Variants in BMPR2 observed in about 807,000 individuals in gnomAD.
The protein encoded by BMPR2 is bone morphogenetic protein receptor type-2.
A neutral mutation model predicts 100.8 loss-of-function variants in BMPR2; 29 were observed. The observed-to-expected ratio is 0.29, with a 90% CI of 0.21 to 0.39. The LOEUF (loss-of-function observed/expected upper bound fraction) is 0.39, where lower values mean the gene tolerates loss of function less well. Among genes scored for constraint, BMPR2 ranks in the 10% least tolerant of loss-of-function variants. The pLI, the probability that BMPR2 is intolerant of heterozygous loss-of-function variation, is 1.00. For synonymous variants in BMPR2, 382 were observed against 442.3 expected (o/e 0.86, Z 1.71); for missense variants, 1,011 against 1,274.5 (o/e 0.79, Z 3.15).
chr2:202,400,399 C>T (rs1690748226), intron 1 of BMPR2, among the ~76,000 whole-genome samples: 1 of 151,508 alleles, frequency 6.6e-6, no homozygotes, highest in Non-Finnish European at 1.5e-5. Context: ...GATCTTCCTG[C>T]CTTGGCCTCC....
intron 11 of BMPR2, among the ~76,000 whole-genome samples, chr2:202,553,171 T>G (rs1688511500): frequency 6.6e-6 from 1 of 152,140 alleles, no homozygotes; most frequent in African/African-American, 2.4e-5. Flanking sequence ...AAAGGTAAAA[T>G]GTTTTTATAA....
At chr2:202,418,110 C>G (rs1691176155) in intron 1 of BMPR2, among the ~76,000 whole-genome samples, 1 of 152,090 alleles carries the variant, frequency 6.6e-6, no homozygotes, top group African/African-American at 2.4e-5. Flanking sequence ...CCAAAGAATT[C>G]ATGTGATTTG....
rs1692289934 is a variant in BMPR2 at position 202,464,913 on chromosome 2, T to C, written c.181T>C (p.Ser61Pro). The C allele has an allele frequency of 1.2e-6, 2 of 1,613,982 alleles. No individual in the cohort carries two copies. The change falls in exon 2 of 13, where the codon TCG becomes CCG. Residue 61 changes from serine to proline, a missense_variant. This residue lies in a region of BMPR2 where 355 missense variants were observed against 455.3 expected (regional missense o/e 0.78). Coordinates refer to ENST00000374580, the MANE Select transcript of BMPR2 (RefSeq NM_001204.7). The stretch of plus-strand genomic sequence containing the variant: ...TCATGAAAATGGGACAATATTATGC[T>C]CGAAAGGTAGCACCTGCTATGGCCT... ...ISHENGTILC[S>P]KGSTCYGLWE...
intron 7 of BMPR2, among the ~76,000 whole-genome samples, chr2:202,528,500 T>TA (rs941931267): frequency 1.6e-4 from 24 of 152,274 alleles, no homozygotes; most frequent in African/African-American, 5.3e-4. Context: ...GACCCTGTTT[T>TA]AAAAAAATGA....
intron 1 of BMPR2, among the ~76,000 whole-genome samples, chr2:202,433,220 C>A (rs1691541225): frequency 6.7e-6 from 1 of 150,340 alleles, no homozygotes; most frequent in African/African-American, 2.5e-5. Context: ...AGTCAGGATT[C>A]TCCAGATAAA....
At chr2:202,534,210 CGT>C (rs371342632) in intron 9 of BMPR2, among the ~76,000 whole-genome samples, 19,202 of 144,684 alleles carry the variant, frequency 0.13, 1,465 homozygotes, top group African/African-American at 0.19. Context: ...ATATATGTAT[CGT>C]GTGTGTGTGT....
In BMPR2 at chr2:202,560,352, G is replaced by T; in HGVS notation, c.*406G>T. ...GACAGGTTTGACTGCAGTGGTGTCT[G>T]GTATCCATGTTTTATTTCTGGGCAC... On this transcript the variant is annotated 3_prime_UTR_variant, in exon 13 of 13. Coordinates refer to ENST00000374580, the MANE Select transcript of BMPR2 (RefSeq NM_001204.7). 4.9e-6 allele frequency: 1 copy of T among 202,086 alleles called. No individual in the cohort carries two copies. The highest frequency in any genetic ancestry group is 1.0e-5 in the Non-Finnish European group (1 of 97,570). The allele number at this position is 202,086 out of a possible 1,614,324, so 12.5% of individuals were successfully genotyped here.
intron 1 of BMPR2, among the ~76,000 whole-genome samples, chr2:202,382,964 G>A (rs1339904259): frequency 6.6e-6 from 1 of 152,144 alleles, no homozygotes. Context: ...GTACCTTTGA[G>A]AACTACTGGA....
chr2:202,475,380 C>T (rs1383768517), intron 3 of BMPR2, among the ~76,000 whole-genome samples: 1 of 151,342 alleles, frequency 6.6e-6, no homozygotes, highest in Non-Finnish European at 1.5e-5. Context: ...CTCACGTACC[C>T]CATAAATATA....
chr2:202,440,816 G>T lies in BMPR2; in HGVS notation c.77-23993G>T, dbSNP rs1424804796. Among the ~76,000 whole-genome samples, 3 of 150,550 alleles carry T rather than the reference G, an allele frequency of 2.0e-5. No homozygotes were observed. In the South Asian group the frequency reaches 6.2e-4, roughly 31 times the overall value. On this transcript the variant is annotated intron_variant, in intron 1 of 12. Coordinates refer to ENST00000374580, the MANE Select transcript of BMPR2 (RefSeq NM_001204.7). Reference sequence around the variant, plus strand: ...CCGGGGAGACCGGGGAGACTGGGGAGAGGGAGAGGGAGAGCAGTTGTGGGT... The same window carrying T: ...CCGGGGAGACCGGGGAGACTGGGGATAGGGAGAGGGAGAGCAGTTGTGGGT...
chr2:202,415,190 T>C (rs1691099807), intron 1 of BMPR2, among the ~76,000 whole-genome samples: 1 of 151,950 alleles, frequency 6.6e-6, no homozygotes, highest in African/African-American at 2.4e-5. Flanking sequence ...AGAGAAATTG[T>C]TGGGCTCAGT....
Position 202,532,790 on chromosome 2 carries a change from C to T in BMPR2, c.1276+58C>T. On this transcript the variant is annotated intron_variant, in intron 9 of 12. Coordinates refer to ENST00000374580, the MANE Select transcript of BMPR2 (RefSeq NM_001204.7). This position sits in a 1 kb window ranked among gnomAD's most constrained non-coding sequence, Gnocchi z 4.1. Reference sequence around the variant, plus strand: ...GAAGTGAAGCAGTTATATCTTCTTTCTCTACCTATAGTACCTAACTCAACT... The same window carrying T: ...GAAGTGAAGCAGTTATATCTTCTTTTTCTACCTATAGTACCTAACTCAACT... 2.6e-6 allele frequency: 4 copies of T among 1,564,644 alleles called. No individual in the cohort carries two copies. Among genetic ancestry groups the T allele is most frequent in the Non-Finnish European group, 3.5e-6 (4 of 1,147,060 alleles).
intron 1 of BMPR2, among the ~76,000 whole-genome samples, chr2:202,407,133 G>A (rs1484640945): frequency 1.3e-5 from 2 of 151,686 alleles, no homozygotes; most frequent in Non-Finnish European, 2.9e-5. Context: ...AGTAGAGACA[G>A]GGTTTCACCA....
At chr2:202,384,569 T>TTTCTTTTTCTTTCTTTTTCTTTC (rs138215628) in intron 1 of BMPR2, among the ~76,000 whole-genome samples, 2 of 93,594 alleles carry the variant, frequency 2.1e-5, no homozygotes, top group Admixed American at 2.3e-4. Context: ...TCTTTCTTTC[T>TTTCTTTTTCTTTCTTTTTCTTTC]TTTTCTTTCT....
At chr2:202,388,718 G>T (rs907334727) in intron 1 of BMPR2, among the ~76,000 whole-genome samples, 10 of 149,264 alleles carry the variant, frequency 6.7e-5, no homozygotes, top group African/African-American at 2.5e-4. Flanking sequence ...AACCTGAGAG[G>T]TGGAGGTTGC....
Position 202,532,565 on chromosome 2 carries a change from AT to A in BMPR2, c.1129-19del, listed in dbSNP as rs1439114339. 1 of 1,613,126 alleles carries A rather than the reference AT, an allele frequency of 6.2e-7. No homozygotes were observed. The highest frequency in any genetic ancestry group is 8.5e-7 in the Non-Finnish European group (1 of 1,179,206). ...ATATGCTACGTTCTCTCTCTAAAAA[AT>A]ATCACTCTAATTTATCAGGTTGGCA... On this transcript the variant is annotated intron_variant, in intron 8 of 12. Coordinates refer to ENST00000374580, the MANE Select transcript of BMPR2 (RefSeq NM_001204.7). The surrounding 1 kb of genome is among the most constrained non-coding windows in gnomAD (Gnocchi z 4.1).
intron 3 of BMPR2, among the ~76,000 whole-genome samples, chr2:202,470,727 G>A (rs1328300285): frequency 6.7e-6 from 1 of 148,312 alleles, no homozygotes; most frequent in Non-Finnish European, 1.5e-5. Flanking sequence ...TTGCGCCACT[G>A]CAGTCCGCAG....
chr2:202,493,732 TC>T (rs1239022890), intron 3 of BMPR2, among the ~76,000 whole-genome samples: 1 of 152,206 alleles, frequency 6.6e-6, no homozygotes, highest in Non-Finnish European at 1.5e-5. Context: ...TGAATGTTTT[TC>T]CCATTTTTTC....
At chr2:202,450,122 C>G (rs1021350569) in intron 1 of BMPR2, among the ~76,000 whole-genome samples, 1 of 151,864 alleles carries the variant, frequency 6.6e-6, no homozygotes, top group Non-Finnish European at 1.5e-5. Flanking sequence ...AAAACAACAA[C>G]AAGAACAACA....
Sources: gnomAD v4.1 joint callset for allele counts (sites outside exome capture counted in the v4.1 genomes callset) on GRCh38, gnomAD v4.1.1 for gene constraint, gnomAD v4.1.1 regional missense constraint, Gnocchi (gnomAD v3.1) non-coding constraint, MANE v1.5 for transcripts, NCBI Gene and HGNC (gene_info 2026-07-23, HGNC 2026-07-21) for gene names.